Variants in DZIP3 observed in about 807,000 individuals in gnomAD.
DZIP3 encodes the protein E3 ubiquitin-protein ligase DZIP3.
Under a neutral mutation model 162.0 loss-of-function variants are expected in DZIP3, and 118 were observed. The observed-to-expected ratio is 0.73, with a 90% CI of 0.63 to 0.85. The LOEUF (loss-of-function observed/expected upper bound fraction) is 0.85, where lower values mean the gene tolerates loss of function less well. DZIP3 is among the 40% of genes least tolerant of loss of function. The pLI, the probability that DZIP3 is intolerant of heterozygous loss-of-function variation, is 0.00. For synonymous variants in DZIP3, 438 were observed against 458.6 expected, an observed-to-expected ratio of 0.96 and a Z score of 0.57; for missense variants, 1,331 against 1,407.0, an observed-to-expected ratio of 0.95 and a Z score of 0.86.
At chr3:108,680,166 T>G (rs1168810456) in intron 26 of DZIP3, among the ~76,000 whole-genome samples, 1 of 152,074 alleles carries the variant, frequency 6.6e-6, no homozygotes, top group Non-Finnish European at 1.5e-5. Flanking sequence ...AGGCCATATA[T>G]GACAAACCCA....
Position 108,616,567 on chromosome 3 carries a change from T to G in DZIP3, c.285T>G (p.Asn95Lys), listed in dbSNP as rs755188825. Reference protein sequence around the residue: ...MQREVAANSQNGEEIVPALTL... With the variant: ...MQREVAANSQKGEEIVPALTL... Reference sequence around the variant, plus strand: ...GAGAAGTTGCAGCTAACAGCCAGAATGGTGAGGAAATTGTTCCTGCTTTGA... The same window carrying G: ...GAGAAGTTGCAGCTAACAGCCAGAAGGGTGAGGAAATTGTTCCTGCTTTGA... The change falls in exon 5 of 33, where the codon AAT (asparagine) becomes AAG (lysine). Residue 95 changes from asparagine (N) to lysine (K), a missense_variant. Asn to Lys is a moderately conservative substitution (Grantham distance 94, BLOSUM62 0). Coordinates refer to ENST00000361582, the MANE Select transcript of DZIP3 (RefSeq NM_014648.4). The G allele has an allele frequency of 3.7e-6, 6 of 1,610,422 alleles. No homozygotes were observed. The highest frequency in any genetic ancestry group is 5.1e-6 in the Non-Finnish European group (6 of 1,178,542).
intron 10 of DZIP3, 136 bp downstream of exon 10, chr3:108,635,108 ACTTC>A (rs1221385571): frequency 1.9e-6 from 1 of 524,078 alleles, no homozygotes; most frequent in Non-Finnish European, 3.4e-6. Context: ...TTTTTCTTTT[ACTTC>A]CTTCTTTGTT....
intron 10 of DZIP3, chr3:108,635,429 TGGAACTTTTA>T (rs1306969209): frequency 3.2e-5 from 8 of 248,138 alleles, no homozygotes; most frequent in African/African-American, 1.9e-4. Flanking sequence ...AAAATATATA[TGGAACTTTTA>T]ATATTTACAT....
intron 31 of DZIP3, among the ~76,000 whole-genome samples, chr3:108,689,152 G>C (rs1362309877): frequency 6.6e-6 from 1 of 152,194 alleles, no homozygotes; most frequent in Non-Finnish European, 1.5e-5. Context: ...GGACAATGTT[G>C]AGAGTCAGAT....
chr3:108,668,761 A>G (rs1477117963), intron 21 of DZIP3, among the ~76,000 whole-genome samples: 1 of 151,988 alleles, frequency 6.6e-6, no homozygotes, highest in African/African-American at 2.4e-5. Flanking sequence ...TAAGAAGCTT[A>G]GAATAAAGGT....
At chr3:108,609,851 A>T (rs1422926708) in intron 3 of DZIP3, among the ~76,000 whole-genome samples, 1 of 152,176 alleles carries the variant, frequency 6.6e-6, no homozygotes, top group Non-Finnish European at 1.5e-5. Context: ...CATGACACTT[A>T]CAATATTTCC....
rs575719324 is a variant in DZIP3, at chr3:108,662,332, A to G, written c.2423+75A>G. ...TATCTTTAATAGTTAATCTCTGCAT[A>G]ACCACTAGGTGGCACTGTGACTACA... On this transcript the variant is annotated intron_variant, in intron 21 of 32. Coordinates refer to ENST00000361582, the MANE Select transcript of DZIP3 (RefSeq NM_014648.4). The G allele has an allele frequency of 9.4e-6, 14 of 1,486,214 alleles. No individual in the cohort carries two copies. The African/African-American group carries it at 1.8e-4, about 19-fold the overall frequency. 92.1% of individuals were successfully genotyped at this position (1,486,214 alleles called of 1,614,324 possible).
At chr3:108,654,429 A>G in intron 19 of DZIP3, 119 bp downstream of exon 19, 1 of 1,125,646 alleles carries the variant, frequency 8.9e-7, no homozygotes, top group Non-Finnish European at 1.3e-6. Context: ...GTGAGGAGAA[A>G]GAGAAAAGCA....
At position 108,611,303 on chromosome 3, in the gene DZIP3, G is replaced by A; in HGVS notation, c.232G>A (p.Glu78Lys). ...VVPHIKKFLQ[E>K]DFSFQTMQRE... ...TCCTCACATTAAGAAGTTCTTACAAGAAGATTTTTCCTTCCAAACTATGCA... is the reference window on the plus strand; with the variant it reads ...TCCTCACATTAAGAAGTTCTTACAAAAAGATTTTTCCTTCCAAACTATGCA... The change falls in exon 4 of 33, where the codon GAA (glutamate) becomes AAA (lysine). Residue 78 changes from glutamate to lysine, a missense_variant. Around this residue, in one of 2 missense-constraint regions of DZIP3, gnomAD observed 1,278 missense variants for 1,317.1 expected, o/e 0.97. Coordinates refer to ENST00000361582, the MANE Select transcript of DZIP3 (RefSeq NM_014648.4). 6.2e-7 allele frequency: 1 copy of A among 1,611,988 alleles called. No homozygotes were observed. The highest frequency in any genetic ancestry group is 8.5e-7 in the Non-Finnish European group (1 of 1,179,324).
At chr3:108,626,691 C>G (rs1259656249) in intron 7 of DZIP3, among the ~76,000 whole-genome samples, 1 of 152,144 alleles carries the variant, frequency 6.6e-6, no homozygotes, top group Non-Finnish European at 1.5e-5. Context: ...CAGTTCCTGT[C>G]TTCATGTAAC....
intron 1 of DZIP3, among the ~76,000 whole-genome samples, chr3:108,590,610 C>CAG: frequency 6.6e-6 from 1 of 152,146 alleles, no homozygotes; most frequent in African/African-American, 2.4e-5. Flanking sequence ...GAAGTAGTAT[C>CAG]CCCTGCTGCG....
intron 1 of DZIP3, 134 bp from the exon 2 acceptor site, chr3:108,605,201 G>C: frequency 1.6e-6 from 1 of 625,740 alleles, no homozygotes; most frequent in Non-Finnish European, 2.7e-6. Context: ...ATTATGTTTG[G>C]GTGGCGAAAC....
At chr3:108,613,898 C>G (rs1257962605) in intron 4 of DZIP3, among the ~76,000 whole-genome samples, 1 of 151,810 alleles carries the variant, frequency 6.6e-6, no homozygotes, top group Admixed American at 6.6e-5. Flanking sequence ...ACCAATTGGC[C>G]AAAGAAGAAA....
At chr3:108,687,522 G>T (rs1944540053) in intron 28 of DZIP3, among the ~76,000 whole-genome samples, 1 of 151,960 alleles carries the variant, frequency 6.6e-6, no homozygotes, top group Admixed American at 6.6e-5. Flanking sequence ...TTTAATCTTT[G>T]TTTTCTGAGT....
chr3:108,591,935 T>C (rs1939440214), intron 1 of DZIP3, among the ~76,000 whole-genome samples: 1 of 150,732 alleles, frequency 6.6e-6, no homozygotes, highest in South Asian at 2.1e-4. Context: ...TGAGTGTGAT[T>C]GTGCCACTGC....
chr3:108,636,032 A>G (rs543713567), intron 10 of DZIP3, among the ~76,000 whole-genome samples: 11 of 152,068 alleles, frequency 7.2e-5, no homozygotes, highest in African/African-American at 2.6e-4. Flanking sequence ...CCTATTTCAT[A>G]GGGTTTTTGT....
In DZIP3 at chr3:108,605,376, A is replaced by G. The variant is rs1391491828; in HGVS notation, c.-31A>G. The G allele has an allele frequency of 3.1e-6, 5 of 1,613,174 alleles. No homozygotes were observed. The highest frequency in any genetic ancestry group is 3.3e-4 in the Middle Eastern group (2 of 6,052). On this transcript the variant is annotated 5_prime_UTR_variant, in exon 2 of 33. Transcript: ENST00000361582. ...TTAAAGTCAGTTGGCAAGCAGTGGA[A>G]TAAGATTTTTGTAAAGAAACCTTGT...
chr3:108,620,493 A>G (rs1338514893), intron 5 of DZIP3, among the ~76,000 whole-genome samples: 2 of 152,210 alleles, frequency 1.3e-5, no homozygotes, highest in African/African-American at 2.4e-5. Context: ...TAGCTTTTTA[A>G]TGCCCAGGCT....
At chr3:108,663,090 C>G (rs1264493519) in intron 21 of DZIP3, among the ~76,000 whole-genome samples, 1 of 152,126 alleles carries the variant, frequency 6.6e-6, no homozygotes, top group East Asian at 1.9e-4. Flanking sequence ...ATTGTATCTA[C>G]TACATGAAGG....
Sources: gnomAD v4.1 joint callset for allele counts (sites outside exome capture counted in the v4.1 genomes callset) on GRCh38, gnomAD v4.1.1 for gene constraint, gnomAD v4.1.1 regional missense constraint, MANE v1.5 for transcripts, NCBI Gene and HGNC (gene_info 2026-07-23, HGNC 2026-07-21) for gene names.